SREBF2: variants seen among roughly 807,000 people sequenced by gnomAD.
SREBF2 encodes sterol regulatory element-binding protein 2.
SREBF2 carries 55 observed loss-of-function variants against 113.1 expected under a neutral mutation model. That is an observed-to-expected ratio of 0.49 (90% confidence interval 0.39 to 0.61). The LOEUF (loss-of-function observed/expected upper bound fraction) is 0.61. Ranked by LOEUF, SREBF2 falls within the 20% of genes least tolerant of loss-of-function variation. SREBF2 has a pLI of 0.00. For synonymous variants in SREBF2, 593 were observed against 605.7 expected (o/e 0.98, Z 0.31); for missense variants, 1,349 against 1,487.4 (o/e 0.91, Z 1.53).
rs2077508668 is a variant in SREBF2 at position 41,906,285 on chromosome 22, G to GGGAGGCA, written c.*628_*634dup. ...GGGGGCCCAGCCCTGGGAGGCTGGT[G>GGGAGGCA]GGAGGCAGGGGGCAGGCCTGCGGAT... On this transcript the variant is annotated 3_prime_UTR_variant, in exon 19 of 19. Coordinates refer to ENST00000361204, the MANE Select transcript of SREBF2 (RefSeq NM_004599.4). 4.5e-5 allele frequency: 11 copies of GGGAGGCA among 243,176 alleles called. No individual in the cohort carries two copies. The South Asian group carries it at 5.3e-4, about 12-fold the overall frequency. 15.1% of individuals were successfully genotyped at this position (243,176 alleles called of 1,614,324 possible).
At chr22:41,899,825 T>TA (rs1272686162) in intron 15 of SREBF2, among the ~76,000 whole-genome samples, 1 of 152,166 alleles carries the variant, frequency 6.6e-6, no homozygotes, top group Non-Finnish European at 1.5e-5. Context: ...TGGATTCACT[T>TA]ACCCCTGGGT....
intron 5 of SREBF2, among the ~76,000 whole-genome samples, chr22:41,874,920 A>T (rs540351744): frequency 1.3e-5 from 2 of 152,174 alleles, no homozygotes; most frequent in South Asian, 4.1e-4. Context: ...AAAAAAGAAA[A>T]AAAAAAAGAT....
At chr22:41,852,737 T>G (rs2076943357) in intron 1 of SREBF2, among the ~76,000 whole-genome samples, 1 of 111,572 alleles carries the variant, frequency 9.0e-6, no homozygotes, top group Non-Finnish European at 1.7e-5. Context: ...GATTTTTTTT[T>G]TTTTTTTTTT....
intron 10 of SREBF2, 146 bp from the exon 11 acceptor site, chr22:41,884,696 C>G: frequency 1.2e-6 from 1 of 827,800 alleles, no homozygotes; most frequent in East Asian, 2.6e-5. Context: ...GCCTGGCATC[C>G]CATCCTGTGA....
Position 41,868,787 on chromosome 22 carries a change from G to A in SREBF2, c.715G>A (p.Val239Ile). 2 of 1,608,750 alleles carry A rather than the reference G, an allele frequency of 1.2e-6. No homozygotes were observed. Among genetic ancestry groups the A allele is most frequent in the Non-Finnish European group, 1.7e-6 (2 of 1,177,650 alleles). Residue 239 changes from valine to isoleucine, a missense_variant, in exon 3 of 19, where the codon GTC becomes ATC. Around this residue, in one of 2 missense-constraint regions of SREBF2, gnomAD observed 699 missense variants for 843.3 expected, o/e 0.83. Coordinates refer to ENST00000361204, the MANE Select transcript of SREBF2 (RefSeq NM_004599.4). Reference sequence around the variant, plus strand: ...AGTTGCTGCGCCACAGGTGCAGCAGGTCCCGGTAAGTGGCTGGAAAGGATT... The same window carrying A: ...AGTTGCTGCGCCACAGGTGCAGCAGATCCCGGTAAGTGGCTGGAAAGGATT... The part of the protein sequence containing the change: ...QTVAAPQVQQ[V>I]PVLVQPQIIK...
intron 1 of SREBF2, among the ~76,000 whole-genome samples, chr22:41,838,868 G>A (rs2076802688): frequency 6.6e-6 from 1 of 152,170 alleles, no homozygotes; most frequent in African/African-American, 2.4e-5. Flanking sequence ...GATGGGAAGT[G>A]GCCCTCATTC....
chr22:41,864,896 T>C (rs1325453860), intron 1 of SREBF2, among the ~76,000 whole-genome samples: 1 of 152,018 alleles, frequency 6.6e-6, no homozygotes, highest in Admixed American at 6.6e-5. Flanking sequence ...GAGGCTGCAG[T>C]GAGCTGAAAT....
At chr22:41,899,088 G>T in intron 15 of SREBF2, 1 of 642,692 alleles carries the variant, frequency 1.6e-6, no homozygotes, top group Non-Finnish European at 2.3e-6. Flanking sequence ...CGAGAGCAGT[G>T]TGGCCCCCAG....
intron 1 of SREBF2, among the ~76,000 whole-genome samples, chr22:41,841,635 A>G (rs1223301250): frequency 2.0e-5 from 3 of 152,222 alleles, no homozygotes; most frequent in African/African-American, 7.2e-5. Flanking sequence ...TAAAAAATAT[A>G]TATTTTTGCT....
In SREBF2 at chr22:41,896,332, C is replaced by G. The variant is rs188348404; in HGVS notation, c.2496-720C>G. Reference sequence around the variant, plus strand: ...CTGAGAGGCAGATAGGTGCCAAAGTCACTTTTGTTTTTTGTTATTTTTGTT... The same window carrying G: ...CTGAGAGGCAGATAGGTGCCAAAGTGACTTTTGTTTTTTGTTATTTTTGTT... On this transcript the variant is annotated intron_variant, in intron 13 of 18. Coordinates refer to ENST00000361204, the MANE Select transcript of SREBF2 (RefSeq NM_004599.4). Among the ~76,000 whole-genome samples the G allele has an allele frequency of 1.6e-4, 24 of 152,154 alleles. 1 individual carries two copies. The highest frequency in any genetic ancestry group is 1.3e-3 in the Admixed American group (20 of 15,276).
chr22:41,858,879 C>T (rs559662091), intron 1 of SREBF2, among the ~76,000 whole-genome samples: 8 of 152,272 alleles, frequency 5.3e-5, no homozygotes, highest in Admixed American at 5.2e-4. Context: ...CACAGTGGCT[C>T]ACACCTGTAA....
At chr22:41,836,245 A>G (rs2076773468) in intron 1 of SREBF2, among the ~76,000 whole-genome samples, 1 of 152,262 alleles carries the variant, frequency 6.6e-6, no homozygotes, top group Admixed American at 6.5e-5. Flanking sequence ...TTGATCAACA[A>G]GTATTCAAGT....
intron 1 of SREBF2, among the ~76,000 whole-genome samples, chr22:41,844,623 T>C (rs965920615): frequency 7.9e-5 from 12 of 152,174 alleles, no homozygotes; most frequent in African/African-American, 2.9e-4. Flanking sequence ...GCCTTGAGAA[T>C]TGCTAATGGA....
rs181288381 is a variant in SREBF2 at position 41,879,062 on chromosome 22, G to A, written c.1761+939G>A. 1.9e-3 allele frequency among the ~76,000 whole-genome samples: 286 copies of A among 152,252 alleles called. 1 individual carries two copies. The highest frequency in any genetic ancestry group is 3.4e-3 in the Middle Eastern group (1 of 294). On this transcript the variant is annotated intron_variant, in intron 9 of 18. Transcript: ENST00000361204. ...TTTTAAGTAAAGACAAGGTCTCACT[G>A]TGTTGCCTGGCTGGTCCTGAACTCC...
At position 41,853,499 on chromosome 22, in the gene SREBF2, A is replaced by C. The variant is rs550732334; in HGVS notation, c.89-13332A>C. 2.0e-5 allele frequency among the ~76,000 whole-genome samples: 3 copies of C among 152,300 alleles called. No homozygotes were observed. The East Asian group carries it at 5.8e-4, about 29-fold the overall frequency. On this transcript the variant is annotated intron_variant, in intron 1 of 18. Coordinates refer to ENST00000361204, the MANE Select transcript of SREBF2 (RefSeq NM_004599.4). Reference sequence around the variant, plus strand: ...GCACATCTCTGCTGTGACAATCTTCACAAACCATATTGTGATCCTTTCACT... The same window carrying C: ...GCACATCTCTGCTGTGACAATCTTCCCAAACCATATTGTGATCCTTTCACT...
At chr22:41,841,333 C>T (rs972611861) in intron 1 of SREBF2, among the ~76,000 whole-genome samples, 24 of 152,198 alleles carry the variant, frequency 1.6e-4, no homozygotes, top group African/African-American at 4.6e-4. Flanking sequence ...GGGTTGCTAA[C>T]GTTTGGGTTG....
In SREBF2 at chr22:41,833,114, C is replaced by CGGCGCCCG. The variant is rs2076726891; in HGVS notation, c.-151_-144dup. On this transcript the variant is annotated 5_prime_UTR_variant, in exon 1 of 19. Transcript: ENST00000361204. This position sits in a 1 kb window ranked among gnomAD's most constrained non-coding sequence, Gnocchi z 4.1. ...GGAATCCCGCCCCGCCCTTTCTGTG[C>CGGCGCCCG]GGCGCCCGGGCGCAACGCAAACATG... is the stretch of plus-strand genomic sequence containing the variant. The CGGCGCCCG allele has an allele frequency of 1.5e-5, 8 of 531,972 alleles. No homozygotes were observed. In the South Asian group the frequency reaches 2.4e-4, roughly 16 times the overall value. The allele number at this position is 531,972 out of a possible 1,614,324, so 33.0% of individuals were successfully genotyped here. A position where few individuals can be genotyped will look rare whatever the true frequency, so the allele number is the denominator to read the frequency against.
At chr22:41,884,631 A>C (rs763634890) in intron 10 of SREBF2, among the ~76,000 whole-genome samples, 1 of 152,184 alleles carries the variant, frequency 6.6e-6, no homozygotes, top group African/African-American at 2.4e-5. Flanking sequence ...AATGGGTGCC[A>C]TGTTCCCAGC....
intron 1 of SREBF2, among the ~76,000 whole-genome samples, chr22:41,840,943 C>T (rs1202777235): frequency 6.6e-6 from 1 of 152,212 alleles, no homozygotes; most frequent in Non-Finnish European, 1.5e-5. Context: ...TGATTTGGGC[C>T]TCTGCTTGCT....
Sources: gnomAD v4.1 joint callset for allele counts (sites outside exome capture counted in the v4.1 genomes callset) on GRCh38, gnomAD v4.1.1 for gene constraint, gnomAD v4.1.1 regional missense constraint, Gnocchi (gnomAD v3.1) non-coding constraint, MANE v1.5 for transcripts, NCBI Gene and HGNC (gene_info 2026-07-23, HGNC 2026-07-21) for gene names.